PTPN22: variants seen among roughly 807,000 people sequenced by gnomAD.
PTPN22 encodes the protein tyrosine-protein phosphatase non-receptor type 22.
In PTPN22, 85 loss-of-function variants were observed where a neutral mutation model predicts 103.3. That is an observed-to-expected ratio of 0.82 (90% CI 0.69 to 0.99). The LOEUF (loss-of-function observed/expected upper bound fraction) is 0.99. Among genes scored for constraint, PTPN22 ranks in the 50% least tolerant of loss-of-function variants. The pLI is 0.00. For synonymous variants in PTPN22, 323 were observed against 310.2 expected (o/e 1.04, Z -0.43); for missense variants, 865 against 936.9 (o/e 0.92, Z 1.00).
At chr1:113,869,879 G>C (rs1483837180) in intron 1 of PTPN22, among the ~76,000 whole-genome samples, 1 of 152,118 alleles carries the variant, frequency 6.6e-6, no homozygotes, top group East Asian at 1.9e-4. Context: ...TACCAGAGGG[G>C]CTCAGACTGA....
chr1:113,852,722 G>A (rs932251312), intron 9 of PTPN22, among the ~76,000 whole-genome samples: 1 of 152,130 alleles, frequency 6.6e-6, no homozygotes. Context: ...CCCCCTTGGG[G>A]TTCAACCCCT....
chr1:113,818,122 G>A (rs923357417), intron 20 of PTPN22, among the ~76,000 whole-genome samples: 17 of 151,674 alleles, frequency 1.1e-4, no homozygotes, highest in African/African-American at 3.6e-4. Flanking sequence ...CTGTGTGAAT[G>A]TTTTAGCTAA....
At chr1:113,834,386 T>G (rs755219897) in exon 15 of PTPN22, 1 of 1,613,538 alleles carries the variant, frequency 6.2e-7, no homozygotes, top group Non-Finnish European at 8.5e-7. Flanking sequence ...GATGTTCCAA[T>G]TTTTACCTTC....
rs1183374262 is a variant in PTPN22 at position 113,848,717 on chromosome 1, C to A, written c.829-91G>T. ...AGATTTTAGGAATATGAACACCAAT[C>A]AAATCCTAATATAGCAGACCCAAAA... On this transcript the variant is annotated intron_variant, in intron 10 of 20. Transcript: ENST00000359785. The A allele has an allele frequency of 5.1e-6, 6 of 1,187,102 alleles. No homozygotes were observed. The African/African-American group carries it at 6.1e-5, about 12-fold the overall frequency. The allele number at this position is 1,187,102 out of a possible 1,614,324, so 73.5% of individuals were successfully genotyped here. A position where few individuals can be genotyped will look rare whatever the true frequency, so the allele number is the denominator to read the frequency against.
At chr1:113,864,304 C>T (rs1404561135) in intron 1 of PTPN22, 1 of 444,582 alleles carries the variant, frequency 2.2e-6, no homozygotes, top group Non-Finnish European at 4.5e-6. Flanking sequence ...GCTGGAGGAT[C>T]ACTTGAGTCC....
intron 11 of PTPN22, among the ~76,000 whole-genome samples, chr1:113,847,747 T>C (rs756907352): frequency 6.6e-6 from 1 of 151,698 alleles, no homozygotes; most frequent in African/African-American, 2.4e-5. Flanking sequence ...CCCAGTTAAT[T>C]TTTGTATTTT....
intron 13 of PTPN22, 40 bp downstream of exon 13, chr1:113,837,550 G>A: frequency 7.2e-7 from 1 of 1,391,752 alleles, no homozygotes; most frequent in Non-Finnish European, 9.9e-7. Context: ...GAAACAAAAT[G>A]AAATCTAAAA....
chr1:113,824,495 G>A (rs748099401), intron 19 of PTPN22, among the ~76,000 whole-genome samples: 2 of 152,152 alleles, frequency 1.3e-5, no homozygotes, highest in African/African-American at 2.4e-5. Flanking sequence ...TCATTACAAC[G>A]TAGCAAAAAT....
At chr1:113,861,594 G>C (rs1179375596) in intron 1 of PTPN22, among the ~76,000 whole-genome samples, 1 of 151,500 alleles carries the variant, frequency 6.6e-6, no homozygotes, top group Non-Finnish European at 1.5e-5. Context: ...GGCCAGGCTG[G>C]TCTTGAACTC....
At chr1:113,814,899 G>A in exon 21 of PTPN22, 1 of 1,593,864 alleles carries the variant, frequency 6.3e-7, no homozygotes, top group Non-Finnish European at 8.6e-7. Context: ...TAAATCTGGA[G>A]TTTTATTAAA....
chr1:113,843,994 G>T (rs1487101084), intron 11 of PTPN22, among the ~76,000 whole-genome samples: 2 of 152,162 alleles, frequency 1.3e-5, no homozygotes, highest in African/African-American at 4.8e-5. Flanking sequence ...ACTTTGGGGG[G>T]CCAAGGCAGG....
intron 11 of PTPN22, among the ~76,000 whole-genome samples, chr1:113,844,152 G>A (rs1161382264): frequency 2.0e-5 from 3 of 151,834 alleles, no homozygotes; most frequent in East Asian, 3.9e-4. Flanking sequence ...GTTAAAGAAC[G>A]ATTTTTTTTT....
intron 16 of PTPN22, 66 bp downstream of exon 16, chr1:113,833,045 A>G: frequency 4.2e-6 from 6 of 1,439,020 alleles, no homozygotes; most frequent in Non-Finnish European, 5.8e-6. Context: ...GAATTACTCT[A>G]AACTTAACGA....
At chr1:113,857,602 G>A in intron 5 of PTPN22, 136 bp downstream of exon 5, 2 of 710,054 alleles carry the variant, frequency 2.8e-6, no homozygotes, top group East Asian at 2.9e-5. Context: ...GAATCACGTG[G>A]CATTCCCAAA....
chr1:113,865,547 C>T (rs1301225555), intron 1 of PTPN22, among the ~76,000 whole-genome samples: 2 of 152,106 alleles, frequency 1.3e-5, no homozygotes, highest in South Asian at 2.1e-4. Context: ...CTTTTATTCT[C>T]TTTTATATTT....
At chr1:113,826,532 A>G (rs1421950715) in intron 18 of PTPN22, among the ~76,000 whole-genome samples, 2 of 152,040 alleles carry the variant, frequency 1.3e-5, no homozygotes, top group Non-Finnish European at 2.9e-5. Flanking sequence ...GAATATATCC[A>G]TGATACACAG....
intron 17 of PTPN22, 90 bp downstream of exon 17, chr1:113,829,859 T>C: frequency 1.5e-6 from 2 of 1,315,860 alleles, no homozygotes; most frequent in Non-Finnish European, 2.2e-6. Flanking sequence ...GTAATCATTT[T>C]TGTACCTTTC....
At chr1:113,819,761 C>T (rs113582683) in intron 19 of PTPN22, 107 bp from the exon 20 acceptor site, 46 of 595,860 alleles carry the variant, frequency 7.7e-5, no homozygotes, top group African/African-American at 7.5e-4. Context: ...CCCAAATAAA[C>T]ATATCACTGT....
intron 18 of PTPN22, among the ~76,000 whole-genome samples, chr1:113,826,887 C>T (rs1627367): frequency 2.0e-5 from 3 of 151,268 alleles, no homozygotes; most frequent in East Asian, 1.9e-4. Context: ...GCCGGGATGG[C>T]CTCGATCTCC....
Sources: allele counts gnomAD v4.1 joint callset (sites outside exome capture counted in the v4.1 genomes callset), GRCh38; gene constraint gnomAD v4.1.1; transcripts MANE v1.5; gene names NCBI Gene and HGNC (gene_info 2026-07-23, HGNC 2026-07-21).